FOXRED2: variants seen among roughly 807,000 people sequenced by gnomAD.
FOXRED2 encodes FAD dependent oxidoreductase domain containing 2.
FOXRED2 carries 32 observed loss-of-function variants against 52.5 expected under a neutral mutation model. That is an observed-to-expected ratio of 0.61 (90% confidence interval 0.46 to 0.82). The LOEUF is 0.82. FOXRED2 is among the 40% of genes least tolerant of loss of function. The pLI, the probability that FOXRED2 is intolerant of heterozygous loss-of-function variation, is 0.00. For synonymous variants in FOXRED2, 405 were observed against 398.1 expected (o/e 1.02, Z -0.21); for missense variants, 848 against 937.5 (o/e 0.90, Z 1.25).
At chr22:36,494,267 C>T (rs1406762255) in intron 7 of FOXRED2, among the ~76,000 whole-genome samples, 1 of 152,042 alleles carries the variant, frequency 6.6e-6, no homozygotes, top group Non-Finnish European at 1.5e-5. Flanking sequence ...CAGGTGCCCG[C>T]CACCACACCG....
chr22:36,502,454 A>C (rs1934081247), intron 4 of FOXRED2, among the ~76,000 whole-genome samples: 1 of 152,242 alleles, frequency 6.6e-6, no homozygotes. Flanking sequence ...TTTATTGAGC[A>C]CATAATACAT....
intron 3 of FOXRED2, 56 bp from the exon 4 acceptor site, chr22:36,504,423 G>T: frequency 6.2e-7 from 1 of 1,608,952 alleles, no homozygotes. Context: ...GGGCAGTGCA[G>T]CTGGGGTCAG....
Position 36,502,835 on chromosome 22 carries a change from G to A in FOXRED2, c.1049+1263C>T, listed in dbSNP as rs1055963963. ...AGCCTCCCGAGTAGCTGGGATTACCGGCACGTGCCACCATGCCTGGCTAAT... is the reference window on the plus strand; with the variant it reads ...AGCCTCCCGAGTAGCTGGGATTACCAGCACGTGCCACCATGCCTGGCTAAT... On this transcript the variant is annotated intron_variant, in intron 4 of 8. Coordinates refer to ENST00000397224, the MANE Select transcript of FOXRED2 (RefSeq NM_001102371.2). Among the ~76,000 whole-genome samples, 5 of 152,160 alleles carry A rather than the reference G, an allele frequency of 3.3e-5. No homozygotes were observed. The South Asian group carries it at 8.3e-4, about 25-fold the overall frequency.
At chr22:36,506,714 C>T in intron 1 of FOXRED2, 1 of 378,030 alleles carries the variant, frequency 2.6e-6, no homozygotes, top group African/African-American at 2.1e-5. Flanking sequence ...GGAGAGCGTA[C>T]TCCCCAATTT....
At chr22:36,504,831 AC>A (rs1603496681) in intron 2 of FOXRED2, 65 bp from the exon 3 acceptor site, 1 of 1,547,508 alleles carries the variant, frequency 6.5e-7, no homozygotes, top group African/African-American at 1.4e-5. Context: ...AGTGAAAACC[AC>A]TCCCTGGACC....
At chr22:36,498,603 C>T (rs1603494970) in intron 5 of FOXRED2, among the ~76,000 whole-genome samples, 1 of 152,194 alleles carries the variant, frequency 6.6e-6, no homozygotes, top group African/African-American at 2.4e-5. Context: ...GAAACCTCCC[C>T]CCCTTCACAG....
intron 6 of FOXRED2, among the ~76,000 whole-genome samples, chr22:36,496,750 G>GT (rs1191199253): frequency 6.6e-6 from 1 of 152,250 alleles, no homozygotes; most frequent in Non-Finnish European, 1.5e-5. Context: ...TGGGGCGGCT[G>GT]TTGTATGGGT....
intron 8 of FOXRED2, among the ~76,000 whole-genome samples, chr22:36,491,662 C>T (rs1933760433): frequency 6.6e-6 from 1 of 152,160 alleles, no homozygotes. Context: ...TTCTCGGCCT[C>T]CCAAAGTGCT....
intron 2 of FOXRED2, among the ~76,000 whole-genome samples, chr22:36,505,041 G>T (rs1934157454): frequency 6.6e-6 from 1 of 152,176 alleles, no homozygotes; most frequent in Admixed American, 6.5e-5. Context: ...GAGAGGAGAA[G>T]ATGACAGTAT....
At chr22:36,493,405 C>CTCCA (rs1260940169) in intron 8 of FOXRED2, among the ~76,000 whole-genome samples, 3 of 151,296 alleles carry the variant, frequency 2.0e-5, no homozygotes, top group African/African-American at 7.3e-5. Flanking sequence ...CGCCACTACA[C>CTCCA]TCCAGCCTGG....
chr22:36,498,121 G>A lies in FOXRED2; in HGVS notation c.1252C>T (p.His418Tyr), dbSNP rs935978466. ...TCAGTGGCGGGCCAGGTGACGCTGTGGTGGCGGTGCTCCAGGAGCCGGTGA... is the reference window on the plus strand; with the variant it reads ...TCAGTGGCGGGCCAGGTGACGCTGTAGTGGCGGTGCTCCAGGAGCCGGTGA... The part of the protein sequence containing the change: ...AVHRLLEHRH[H>Y]SVTWPATELP... Residue 418 changes from histidine (H) to tyrosine (Y), a missense_variant, in exon 6 of 9, where the codon CAC becomes TAC. His to Tyr is a moderately conservative substitution (Grantham distance 83, BLOSUM62 2). Transcript: ENST00000397224. 6.2e-7 allele frequency: 1 copy of A among 1,612,654 alleles called. No homozygotes were observed. The highest frequency in any genetic ancestry group is 1.3e-5 in the African/African-American group (1 of 75,034).
intron 6 of FOXRED2, among the ~76,000 whole-genome samples, chr22:36,497,486 C>T (rs1217220272): frequency 6.6e-6 from 1 of 152,196 alleles, no homozygotes; most frequent in South Asian, 2.1e-4. Context: ...GAAGGTTGCT[C>T]CCTTGCTTCT....
chr22:36,501,208 T>G, intron 5 of FOXRED2, 33 bp downstream of exon 5: 1 of 1,610,280 alleles, frequency 6.2e-7, no homozygotes. Context: ...TGGTTCCGTC[T>G]GGGGACAGTT....
rs764281125 is a variant in FOXRED2, at chr22:36,490,041, A to G, written c.2022T>C (p.Ala674=). ...CCTCTTTGTTGCTATCGACGGACTG[A>G]GCCAGAGGCCCTGGAGCCAGGGGGG... is the stretch of plus-strand genomic sequence containing the variant. ...LGSPLAPGPL[A]QSVDSNKEEL Residue 674 remains alanine (A), a synonymous_variant, in exon 9 of 9, where the codon GCT becomes GCC. Coordinates refer to ENST00000397224, the MANE Select transcript of FOXRED2 (RefSeq NM_001102371.2). 1.9e-6 allele frequency: 3 copies of G among 1,606,692 alleles called. No homozygotes were observed. Among genetic ancestry groups the G allele is most frequent in the Admixed American group, 1.7e-5 (1 of 59,316 alleles).
At position 36,496,231 on chromosome 22, in the gene FOXRED2, G is replaced by A. The variant is rs1220986648; in HGVS notation, c.1383-23C>T. 5 of 1,612,376 alleles carry A rather than the reference G, an allele frequency of 3.1e-6. No individual in the cohort carries two copies. In the South Asian group the frequency reaches 3.3e-5, roughly 11 times the overall value. ...TTCCTGGGAGAACAGCAACGCGGGGGAGGCCCTCAGTGCTGTGGCAGAGGT... is the reference window on the plus strand; with the variant it reads ...TTCCTGGGAGAACAGCAACGCGGGGAAGGCCCTCAGTGCTGTGGCAGAGGT... On this transcript the variant is annotated intron_variant, in intron 6 of 8. Coordinates refer to ENST00000397224, the MANE Select transcript of FOXRED2 (RefSeq NM_001102371.2).
Position 36,504,636 on chromosome 22 carries a change from C to T in FOXRED2, c.658G>A (p.Gly220Ser). 2 of 1,614,152 alleles carry T rather than the reference C, an allele frequency of 1.2e-6. No homozygotes were observed. The highest frequency in any genetic ancestry group is 1.7e-6 in the Non-Finnish European group (2 of 1,180,034). The change falls in exon 3 of 9, where the codon GGT (glycine) becomes AGT (serine). Residue 220 changes from glycine to serine, a missense_variant. By Grantham distance (56) the Gly-to-Ser change is moderately conservative. Coordinates refer to ENST00000397224, the MANE Select transcript of FOXRED2 (RefSeq NM_001102371.2). ...DFVGQNVLIL[G>S]RGNSAFETAE... is the part of the protein sequence containing the mutation. Reference sequence around the variant, plus strand: ...GTCTCAAAGGCCGAGTTCCCACGACCCAGGATCAGCACATTCTGGCCTACA... The same window carrying T: ...GTCTCAAAGGCCGAGTTCCCACGACTCAGGATCAGCACATTCTGGCCTACA...
chr22:36,491,168 A>G (rs550598449), intron 8 of FOXRED2, among the ~76,000 whole-genome samples: 1 of 152,104 alleles, frequency 6.6e-6, no homozygotes, highest in Non-Finnish European at 1.5e-5. Context: ...GAAAAAAAAA[A>G]GAAAGAAAAA....
intron 4 of FOXRED2, 83 bp downstream of exon 4, chr22:36,504,015 C>A: frequency 2.1e-6 from 3 of 1,446,898 alleles, no homozygotes; most frequent in Non-Finnish European, 1.9e-6. Flanking sequence ...TGTCGCCAGC[C>A]TACTGAACAG....
Position 36,504,085 on chromosome 22 carries a change from G to C in FOXRED2, c.1049+13C>G. 6.2e-7 allele frequency: 1 copy of C among 1,611,138 alleles called. No individual in the cohort carries two copies. On this transcript the variant is annotated intron_variant, in intron 4 of 8. Transcript: ENST00000397224. ...TTGCTAGGAGAGCCCACCTCCTTCC[G>C]CATGGAACTCACTTATTGAAAATGG...
Sources: allele counts gnomAD v4.1 joint callset (sites outside exome capture counted in the v4.1 genomes callset), GRCh38; gene constraint gnomAD v4.1.1; transcripts MANE v1.5; gene names NCBI Gene and HGNC (gene_info 2026-07-23, HGNC 2026-07-21).